Variants in GSE1 observed in about 807,000 individuals in gnomAD.
GSE1 encodes the protein genetic suppressor element 1.
A neutral mutation model predicts 112.6 loss-of-function variants in GSE1; 32 were observed. The observed-to-expected ratio is 0.28, with a 90% confidence interval of 0.21 to 0.38. The LOEUF (loss-of-function observed/expected upper bound fraction) is 0.38. GSE1 is among the 10% of genes least tolerant of loss of function. GSE1 has a pLI of 1.00. For missense variants in GSE1, 2,348 were observed against 1,699.2 expected, an observed-to-expected ratio of 1.38 and a Z score of -6.71; for synonymous variants, 1,115 against 735.6, an observed-to-expected ratio of 1.52 and a Z score of -8.35.
rs1235191508 is a variant in GSE1 at position 85,330,184 on chromosome 16, T to C, written c.2284-27279T>C. ...TCCTGATCCCCTCACCAAAGAGGCT[T>C]TGCAGATGTGAGCTAGGGACTTTGA... On this transcript the variant is annotated intron_variant, in intron 1 of 2. Transcript: ENST00000637419. Among the ~76,000 whole-genome samples, 4 of 152,338 alleles carry C rather than the reference T, an allele frequency of 2.6e-5. No individual in the cohort carries two copies. In the East Asian group the frequency reaches 7.7e-4, roughly 29 times the overall value.
intron 1 of GSE1, among the ~76,000 whole-genome samples, chr16:85,626,740 C>A (rs934767800): frequency 6.6e-6 from 1 of 152,122 alleles, no homozygotes; most frequent in African/African-American, 2.4e-5. Context: ...GGGGAAGAGC[C>A]GGGATGAAAG....
chr16:85,541,137 G>A (rs1311728966), intron 2 of GSE1, among the ~76,000 whole-genome samples: 3 of 152,140 alleles, frequency 2.0e-5, no homozygotes, highest in Non-Finnish European at 4.4e-5. Context: ...GCAGCTGCAT[G>A]GAATGTTCAG....
At chr16:85,316,686 C>T (rs1416896737) in intron 1 of GSE1, among the ~76,000 whole-genome samples, 2 of 152,226 alleles carry the variant, frequency 1.3e-5, no homozygotes, top group African/African-American at 4.8e-5. Flanking sequence ...GCACATCAGC[C>T]AGTGGCCTCT....
chr16:85,630,582 C>A (rs2049460284), intron 1 of GSE1, among the ~76,000 whole-genome samples: 1 of 152,212 alleles, frequency 6.6e-6, no homozygotes, highest in Non-Finnish European at 1.5e-5. Flanking sequence ...CTCCTACTTA[C>A]CTGGGATTAC....
At chr16:85,463,666 C>T (rs2050042348) in intron 2 of GSE1, among the ~76,000 whole-genome samples, 1 of 152,200 alleles carries the variant, frequency 6.6e-6, no homozygotes, top group Non-Finnish European at 1.5e-5. Context: ...CGATCACCTC[C>T]CTGGCCCCAT....
chr16:85,487,443 C>T (rs531898046), intron 2 of GSE1, among the ~76,000 whole-genome samples: 2 of 152,278 alleles, frequency 1.3e-5, no homozygotes, highest in African/African-American at 4.8e-5. Context: ...ACGTTCGCAC[C>T]TGGGCAGGCC....
chr16:85,371,996 C>T (rs529904875), intron 2 of GSE1, among the ~76,000 whole-genome samples: 20 of 152,306 alleles, frequency 1.3e-4, no homozygotes, highest in Admixed American at 3.9e-4. Context: ...TCCGCCTCTG[C>T]AGAGCTTCCA....
intron 2 of GSE1, among the ~76,000 whole-genome samples, chr16:85,424,573 C>T (rs540692225): frequency 2.0e-5 from 3 of 152,366 alleles, no homozygotes; most frequent in East Asian, 1.9e-4. Flanking sequence ...CTGCAGCCTC[C>T]GCCCTCTTCC....
At chr16:85,447,953 T>C (rs1289825155) in intron 2 of GSE1, among the ~76,000 whole-genome samples, 2 of 152,164 alleles carry the variant, frequency 1.3e-5, no homozygotes, top group Admixed American at 1.3e-4. Context: ...TGCTGATACC[T>C]CAGGGCTTGC....
chr16:85,373,828 G>A lies in GSE1; in HGVS notation c.2464+16185G>A, dbSNP rs894525395. Among the ~76,000 whole-genome samples, 2 of 152,250 alleles carry A rather than the reference G, an allele frequency of 1.3e-5. No individual in the cohort carries two copies. The highest frequency in any genetic ancestry group is 1.9e-4 in the East Asian group (1 of 5,174). On this transcript the variant is annotated intron_variant, in intron 2 of 2. Transcript: ENST00000637419. The surrounding 1 kb of genome is among the most constrained non-coding windows in gnomAD (Gnocchi z 5.1). ...CAGGGTGATTGTGCTCCTGCCCCAC[G>A]GTGCCCCACGGTTACCACCGCCACG...
chr16:85,553,029 G>A (rs190832463), upstream of GSE1, among the ~76,000 whole-genome samples: 356 of 151,596 alleles, frequency 2.3e-3, 1 homozygote, highest in African/African-American at 8.1e-3. Context: ...GATAGTTTAG[G>A]GTCTTTTAAA....
rs1291172370 is a variant in GSE1 at position 85,649,237 on chromosome 16, CAGTT to C, written c.426+487_426+490del. Among the ~76,000 whole-genome samples the C allele has an allele frequency of 2.0e-5, 3 of 152,146 alleles. No individual in the cohort carries two copies. In the South Asian group the frequency reaches 6.2e-4, roughly 32 times the overall value. On this transcript the variant is annotated intron_variant, in intron 3 of 15. Transcript: ENST00000253458. ...TCTTTAAAGACCGTGTCTCCAAATG[CAGTT>C]CCGTTCTGAGGCCCTGGGCATCAGG...
chr16:85,181,970 C>T (rs1255755401), intron 1 of GSE1, among the ~76,000 whole-genome samples: 4 of 152,202 alleles, frequency 2.6e-5, no homozygotes, highest in South Asian at 2.1e-4. Context: ...GACCGTCTCA[C>T]GGCTGTACAC....
intron 2 of GSE1, among the ~76,000 whole-genome samples, chr16:85,537,121 G>A (rs779485473): frequency 5.9e-5 from 9 of 152,188 alleles, no homozygotes; most frequent in Non-Finnish European, 1.2e-4. Context: ...CCAGCTGCCC[G>A]TTCTGTGGCT....
At chr16:85,467,710 T>A (rs2050164867) in intron 2 of GSE1, among the ~76,000 whole-genome samples, 1 of 152,198 alleles carries the variant, frequency 6.6e-6, no homozygotes, top group South Asian at 2.1e-4. Flanking sequence ...ATCACTTCTA[T>A]GGTGGTAGCC....
intron 2 of GSE1, among the ~76,000 whole-genome samples, chr16:85,418,726 T>C (rs1174825073): frequency 6.6e-6 from 1 of 151,048 alleles, no homozygotes; most frequent in Non-Finnish European, 1.5e-5. Context: ...ATATGAGGAA[T>C]AGAAAAAGGG....
intron 1 of GSE1, among the ~76,000 whole-genome samples, chr16:85,620,569 G>A (rs1314470181): frequency 1.3e-5 from 2 of 152,374 alleles, no homozygotes; most frequent in Non-Finnish European, 1.5e-5. Context: ...AGAGGCTGCC[G>A]ATCCACGCGG....
intron 2 of GSE1, among the ~76,000 whole-genome samples, chr16:85,370,364 A>G (rs1048328230): frequency 6.6e-6 from 1 of 152,116 alleles, no homozygotes. Flanking sequence ...CAGCTAAGCC[A>G]TGGTCCTCAC....
Position 85,419,440 on chromosome 16 carries a change from C to G in GSE1, c.2464+61797C>G, listed in dbSNP as rs945127931. The stretch of plus-strand genomic sequence containing the variant: ...CCAGCCTGAGCAACATAGTGAGACC[C>G]TGTCTACGAACAAAAGTTAGCCAGG... On this transcript the variant is annotated intron_variant, in intron 2 of 2. Transcript: ENST00000637419. The surrounding 1 kb of genome is among the most constrained non-coding windows in gnomAD (Gnocchi z 6.5). Among the ~76,000 whole-genome samples the G allele has an allele frequency of 2.6e-5, 4 of 151,882 alleles. No individual in the cohort carries two copies. The South Asian group carries it at 8.3e-4, about 32-fold the overall frequency.
Sources: allele counts gnomAD v4.1 joint callset (sites outside exome capture counted in the v4.1 genomes callset), GRCh38; gene constraint gnomAD v4.1.1; non-coding constraint Gnocchi (gnomAD v3.1); transcripts MANE v1.5; gene names NCBI Gene and HGNC (gene_info 2026-07-23, HGNC 2026-07-21).